Variants in PLEKHA2 observed in about 807,000 individuals in gnomAD.
PLEKHA2 encodes pleckstrin homology domain-containing family A member 2.
A neutral mutation model predicts 53.2 loss-of-function variants in PLEKHA2; 28 were observed. That is an observed-to-expected ratio of 0.53 (90% CI 0.39 to 0.72). The LOEUF (loss-of-function observed/expected upper bound fraction) is 0.72, where lower values mean the gene tolerates loss of function less well. Ranked by LOEUF, PLEKHA2 falls within the 30% of genes least tolerant of loss-of-function variation. The pLI is 0.00. For missense variants in PLEKHA2, 426 were observed against 537.9 expected, an observed-to-expected ratio of 0.79 and a Z score of 2.06; for synonymous variants, 193 against 196.4, an observed-to-expected ratio of 0.98 and a Z score of 0.14.
At chr8:38,967,803 G>C (rs936008218) in intron 10 of PLEKHA2, among the ~76,000 whole-genome samples, 1 of 151,580 alleles carries the variant, frequency 6.6e-6, no homozygotes, top group African/African-American at 2.4e-5. Context: ...CTGGGACTAC[G>C]GGCGCACGCC....
intron 11 of PLEKHA2, 133 bp downstream of exon 11, chr8:38,968,802 G>T: frequency 1.1e-5 from 9 of 796,476 alleles, no homozygotes; most frequent in South Asian, 3.9e-5. Context: ...TGTCTTGCTT[G>T]TTTTTCTCAT....
chr8:38,938,900 C>CTTTTT, intron 3 of PLEKHA2, among the ~76,000 whole-genome samples: 1 of 142,836 alleles, frequency 7.0e-6, no homozygotes, highest in Non-Finnish European at 1.5e-5. Flanking sequence ...CTTTCTTTTT[C>CTTTTT]TTTTTTTTTT....
intron 10 of PLEKHA2, among the ~76,000 whole-genome samples, chr8:38,965,395 A>G (rs1360008568): frequency 6.6e-6 from 1 of 152,096 alleles, no homozygotes; most frequent in Non-Finnish European, 1.5e-5. Flanking sequence ...GAGCATGGAG[A>G]TAGCTTAACA....
chr8:38,942,336 G>A (rs900978593), intron 3 of PLEKHA2, among the ~76,000 whole-genome samples: 3 of 152,148 alleles, frequency 2.0e-5, no homozygotes, highest in African/African-American at 7.2e-5. Context: ...CTGAGAAGTC[G>A]AGGCTGCAGT....
intron 1 of PLEKHA2, among the ~76,000 whole-genome samples, chr8:38,908,569 A>G (rs1833912423): frequency 6.6e-6 from 1 of 152,238 alleles, no homozygotes; most frequent in Non-Finnish European, 1.5e-5. Flanking sequence ...TGCTCCCTGT[A>G]GAAGATTTGG....
intron 3 of PLEKHA2, among the ~76,000 whole-genome samples, chr8:38,937,737 G>T (rs1713393227): frequency 6.6e-6 from 1 of 152,178 alleles, no homozygotes; most frequent in African/African-American, 2.4e-5. Context: ...ACTCCTGCCT[G>T]ACTCCCTGCC....
At chr8:38,929,102 C>G (rs539107375) in intron 2 of PLEKHA2, among the ~76,000 whole-genome samples, 14 of 152,202 alleles carry the variant, frequency 9.2e-5, no homozygotes, top group Admixed American at 9.2e-4. Context: ...TCTACATGGC[C>G]GTGGCTTTTG....
In PLEKHA2 at chr8:38,952,569, A is replaced by C. The variant is rs1016085143; in HGVS notation, c.634-67A>C. ...GGGGCTGGGTCCTTGGGAGCTTAGC[A>C]TGAGTACACCCTCCACAATGCTGGG... On this transcript the variant is annotated intron_variant, in intron 7 of 11. Coordinates refer to ENST00000617275, the MANE Select transcript of PLEKHA2 (RefSeq NM_021623.2). The C allele has an allele frequency of 3.9e-6, 6 of 1,520,612 alleles. No individual in the cohort carries two copies. The Admixed American group carries it at 1.1e-4, about 28-fold the overall frequency. 94.2% of individuals were successfully genotyped at this position (1,520,612 alleles called of 1,614,324 possible).
At chr8:38,904,979 T>G (rs1189976791) in intron 1 of PLEKHA2, among the ~76,000 whole-genome samples, 1 of 152,226 alleles carries the variant, frequency 6.6e-6, no homozygotes, top group Non-Finnish European at 1.5e-5. Context: ...GTAAAGCAAT[T>G]ATCTCCATTT....
At chr8:38,956,739 G>A (rs915511241) in intron 9 of PLEKHA2, among the ~76,000 whole-genome samples, 1 of 152,076 alleles carries the variant, frequency 6.6e-6, no homozygotes, top group African/African-American at 2.4e-5. Flanking sequence ...GCGAGACCCT[G>A]TCTCAAAAAA....
intron 2 of PLEKHA2, among the ~76,000 whole-genome samples, chr8:38,919,173 A>T (rs1357255183): frequency 2.0e-5 from 3 of 152,208 alleles, no homozygotes; most frequent in Non-Finnish European, 4.4e-5. Flanking sequence ...GGTCCAGATG[A>T]GAAGAGAGCC....
intron 5 of PLEKHA2, among the ~76,000 whole-genome samples, chr8:38,949,593 A>G (rs1012415737): frequency 7.1e-4 from 108 of 152,368 alleles, no homozygotes; most frequent in Non-Finnish European, 2.8e-4. Flanking sequence ...AACAATAAAA[A>G]TTTTATGATG....
chr8:38,926,886 G>T (rs1180024596), intron 2 of PLEKHA2, among the ~76,000 whole-genome samples: 1 of 152,158 alleles, frequency 6.6e-6, no homozygotes, highest in Non-Finnish European at 1.5e-5. Context: ...TTGCACTCTA[G>T]CCTGGGTAAC....
chr8:38,902,146 G>C (rs1833797253), intron 1 of PLEKHA2: 1 of 144,042 alleles, frequency 6.9e-6, no homozygotes, highest in Non-Finnish European at 1.5e-5. Context: ...CACCTTACAC[G>C]CTTCCCTTTT....
chr8:38,936,111 AG>A, intron 3 of PLEKHA2, 61 bp downstream of exon 3: 7 of 1,545,252 alleles, frequency 4.5e-6, no homozygotes, highest in Non-Finnish European at 6.3e-6. Context: ...TTTCTAAGCA[AG>A]GGGAAGTGTC....
At chr8:38,904,665 A>G (rs989638002) in intron 1 of PLEKHA2, among the ~76,000 whole-genome samples, 1 of 152,186 alleles carries the variant, frequency 6.6e-6, no homozygotes, top group Non-Finnish European at 1.5e-5. Context: ...TTAGAGATGT[A>G]AAATGTGGTG....
At chr8:38,966,404 G>A (rs1026555363) in intron 10 of PLEKHA2, among the ~76,000 whole-genome samples, 1 of 152,146 alleles carries the variant, frequency 6.6e-6, no homozygotes, top group Non-Finnish European at 1.5e-5. Context: ...GTGTGTTTTG[G>A]TGGGACTGTT....
intron 5 of PLEKHA2, among the ~76,000 whole-genome samples, chr8:38,949,366 G>A (rs987068535): frequency 1.3e-5 from 2 of 152,144 alleles, no homozygotes; most frequent in Non-Finnish European, 2.9e-5. Flanking sequence ...GGCCTCTCCC[G>A]TTCTGCTGGG....
chr8:38,915,462 C>T (rs60862535), intron 1 of PLEKHA2, among the ~76,000 whole-genome samples: 10,491 of 152,262 alleles, frequency 0.069, 1,212 homozygotes, highest in African/African-American at 0.24. Flanking sequence ...GCCTGCGCCT[C>T]GGCTTCTGGA....
Sources: gnomAD v4.1 joint callset for allele counts (sites outside exome capture counted in the v4.1 genomes callset) on GRCh38, gnomAD v4.1.1 for gene constraint, MANE v1.5 for transcripts, NCBI Gene and HGNC (gene_info 2026-07-23, HGNC 2026-07-21) for gene names.